Variants in TEK observed in about 807,000 individuals in gnomAD.
TEK encodes the protein angiopoietin-1 receptor.
In TEK, 43 loss-of-function variants were observed where a neutral mutation model predicts 131.8. That is an observed-to-expected ratio of 0.33 (90% confidence interval 0.26 to 0.42). The LOEUF is 0.42. TEK is among the 10% of genes least tolerant of loss of function. The pLI is 1.00. For missense variants in TEK, 1,162 were observed against 1,384.4 expected (o/e 0.84, Z 2.55); for synonymous variants, 580 against 491.6 (o/e 1.18, Z -2.38).
intron 1 of TEK, among the ~76,000 whole-genome samples, chr9:27,123,422 G>A (rs1375348225): frequency 6.6e-6 from 1 of 152,108 alleles, no homozygotes; most frequent in Non-Finnish European, 1.5e-5. Flanking sequence ...CCTGCATGTG[G>A]TCCCTTAAAT....
At chr9:27,206,526 C>A in intron 14 of TEK, 56 bp from the exon 15 acceptor site, 2 of 1,548,064 alleles carry the variant, frequency 1.3e-6, no homozygotes, top group Non-Finnish European at 1.8e-6. Context: ...AGACATTATG[C>A]CCCTTAGAAT....
intron 18 of TEK, among the ~76,000 whole-genome samples, chr9:27,217,326 CCCTGCTTCCCTTTTCCAT>C (rs952565625): frequency 1.4e-4 from 22 of 152,276 alleles, no homozygotes; most frequent in Non-Finnish European, 2.8e-4. Context: ...CCCTTTTCCA[CCCTGCTTCCCTTTTCCAT>C]ATTATTAATA....
chr9:27,215,185 C>T (rs1411129887), intron 18 of TEK, among the ~76,000 whole-genome samples: 2 of 152,292 alleles, frequency 1.3e-5, no homozygotes, highest in East Asian at 3.9e-4. Flanking sequence ...TCATAAAGGG[C>T]AGTGATTTCT....
At chr9:27,160,104 C>G (rs913804117) in intron 2 of TEK, among the ~76,000 whole-genome samples, 3 of 144,042 alleles carry the variant, frequency 2.1e-5, no homozygotes, top group African/African-American at 7.8e-5. Flanking sequence ...TTCACTGCAG[C>G]CTTGACCTCC....
chr9:27,222,501 C>CT (rs1430148611), intron 21 of TEK, among the ~76,000 whole-genome samples: 1 of 152,182 alleles, frequency 6.6e-6, no homozygotes, highest in African/African-American at 2.4e-5. Context: ...GCCAAACAGA[C>CT]TAACAGTAGA....
At chr9:27,145,050 T>C (rs1454136716) in intron 1 of TEK, among the ~76,000 whole-genome samples, 1 of 152,162 alleles carries the variant, frequency 6.6e-6, no homozygotes, top group Non-Finnish European at 1.5e-5. Flanking sequence ...GAGACACATA[T>C]GTGGGCTCTT....
chr9:27,139,414 G>A (rs1369134021), intron 1 of TEK, among the ~76,000 whole-genome samples: 7 of 130,502 alleles, frequency 5.4e-5, no homozygotes, highest in Admixed American at 4.5e-4. Context: ...TGCATGCTCC[G>A]CCTCCTGGGT....
intron 1 of TEK, among the ~76,000 whole-genome samples, chr9:27,143,045 G>T (rs62544601): frequency 0.12 from 18,449 of 152,204 alleles, 1,435 homozygotes; most frequent in Middle Eastern, 0.26. Context: ...TTAAAGAGCC[G>T]CTCTAGGGAG....
chr9:27,120,180 C>A (rs530599919), intron 1 of TEK, among the ~76,000 whole-genome samples: 1 of 152,198 alleles, frequency 6.6e-6, no homozygotes, highest in African/African-American at 2.4e-5. Context: ...GCCTGCCTCA[C>A]CAGCCTCTCG....
In TEK at chr9:27,116,711, C is replaced by T. The variant is rs542693861; in HGVS notation, c.52+7069C>T. 2.0e-5 allele frequency among the ~76,000 whole-genome samples: 3 copies of T among 152,058 alleles called. No individual in the cohort carries two copies. In the East Asian group the frequency reaches 5.8e-4, roughly 29 times the overall value. ...TGAAGCCACGGGCATGGCTATATTTCAAGATTGAAATGAAGGAACGAGAAA... is the reference window on the plus strand; with the variant it reads ...TGAAGCCACGGGCATGGCTATATTTTAAGATTGAAATGAAGGAACGAGAAA... On this transcript the variant is annotated intron_variant, in intron 1 of 22. Coordinates refer to ENST00000380036, the MANE Select transcript of TEK (RefSeq NM_000459.5).
At chr9:27,115,377 T>C (rs1821511165) in intron 1 of TEK, among the ~76,000 whole-genome samples, 1 of 152,098 alleles carries the variant, frequency 6.6e-6, no homozygotes, top group Admixed American at 6.6e-5. Flanking sequence ...CACGTGCATG[T>C]AGTCCCAGCT....
intron 6 of TEK, among the ~76,000 whole-genome samples, chr9:27,175,705 T>C (rs62544656): frequency 0.015 from 2,245 of 152,274 alleles, 24 homozygotes; most frequent in South Asian, 0.057. Flanking sequence ...TGGTATCTCA[T>C]TGTGGTTTTG....
At chr9:27,187,761 C>T (rs1824652573) in intron 9 of TEK, among the ~76,000 whole-genome samples, 1 of 152,038 alleles carries the variant, frequency 6.6e-6, no homozygotes, top group Non-Finnish European at 1.5e-5. Flanking sequence ...TTGTAGATGG[C>T]CACTGTCTCC....
chr9:27,110,203 G>A (rs987098528), intron 1 of TEK, among the ~76,000 whole-genome samples: 7 of 150,352 alleles, frequency 4.7e-5, no homozygotes, highest in African/African-American at 1.7e-4. Context: ...TAGGGTCAGG[G>A]AGATTGGGGC....
intron 1 of TEK, among the ~76,000 whole-genome samples, chr9:27,127,091 T>C (rs558796585): frequency 2.6e-5 from 4 of 152,206 alleles, no homozygotes; most frequent in Non-Finnish European, 5.9e-5. Flanking sequence ...ACCCATCATC[T>C]ACATTAGGTA....
At chr9:27,199,146 A>C (rs10967766) in intron 12 of TEK, among the ~76,000 whole-genome samples, 14,721 of 152,240 alleles carry the variant, frequency 0.097, 752 homozygotes, top group African/African-American at 0.12. Flanking sequence ...ACATGCATAC[A>C]TATCATTCTT....
chr9:27,137,884 T>C (rs893453035), intron 1 of TEK, among the ~76,000 whole-genome samples: 4 of 152,216 alleles, frequency 2.6e-5, no homozygotes, highest in Non-Finnish European at 4.4e-5. Flanking sequence ...TTGGTCTCAC[T>C]GTGGACCCTT....
Position 27,183,523 on chromosome 9 carries a change from A to G in TEK, c.1095A>G (p.Lys365=). The G allele has an allele frequency of 6.2e-7, 1 of 1,613,928 alleles. No individual in the cohort carries two copies. The highest frequency in any genetic ancestry group is 8.5e-7 in the Non-Finnish European group (1 of 1,179,874). ...ATCATATAGAAGTAAACAGTGGTAA[A>G]TTTAATCCCATTTGCAAAGCTTCTG... ...LPDHIEVNSG[K]FNPICKASGW... Residue 365 remains lysine (K), a synonymous_variant, in exon 8 of 23, where the codon AAA becomes AAG. Transcript: ENST00000380036.
At chr9:27,153,522 A>G (rs1823211364) in intron 1 of TEK, among the ~76,000 whole-genome samples, 1 of 152,268 alleles carries the variant, frequency 6.6e-6, no homozygotes, top group Admixed American at 6.5e-5. Context: ...TATAAGATGT[A>G]TGATATTAAA....
Sources: gnomAD v4.1 joint callset for allele counts (sites outside exome capture counted in the v4.1 genomes callset) on GRCh38, gnomAD v4.1.1 for gene constraint, MANE v1.5 for transcripts, NCBI Gene and HGNC (gene_info 2026-07-23, HGNC 2026-07-21) for gene names.